The following DGKG variants were observed in gnomAD, a reference collection of about 807,000 sequenced individuals.
The protein encoded by DGKG is DAG kinase gamma.
Under a neutral mutation model 105.3 loss-of-function variants are expected in DGKG, and 78 were observed. The ratio of observed to expected loss-of-function variants is 0.74; its 90% confidence interval spans 0.62 to 0.89. The LOEUF (loss-of-function observed/expected upper bound fraction) is 0.89, where lower values mean the gene tolerates loss of function less well. DGKG is among the 40% of genes least tolerant of loss of function. The pLI is 0.00. For synonymous variants in DGKG, 346 were observed against 367.1 expected, an observed-to-expected ratio of 0.94 and a Z score of 0.66; for missense variants, 958 against 1,020.1, an observed-to-expected ratio of 0.94 and a Z score of 0.83.
At chr3:186,156,824 G>T (rs1035741634) in intron 24 of DGKG, among the ~76,000 whole-genome samples, 1 of 151,564 alleles carries the variant, frequency 6.6e-6, no homozygotes. Context: ...TATTAATGCC[G>T]GAAAACTTAA....
intron 9 of DGKG, among the ~76,000 whole-genome samples, chr3:186,277,958 A>G (rs767129992): frequency 3.0e-4 from 45 of 152,324 alleles, no homozygotes; most frequent in Admixed American, 2.2e-3. Flanking sequence ...TAAGTGTTAA[A>G]AACTTTTAAA....
At chr3:186,168,610 G>C (rs1716668666) in intron 22 of DGKG, among the ~76,000 whole-genome samples, 1 of 152,224 alleles carries the variant, frequency 6.6e-6, no homozygotes, top group Non-Finnish European at 1.5e-5. Flanking sequence ...ACTTTGGGAG[G>C]CTGAGGCAGG....
At position 186,231,735 on chromosome 3, in the gene DGKG, A is replaced by G. The variant is rs948084075; in HGVS notation, c.1826+10769T>C. On this transcript the variant is annotated intron_variant, in intron 20 of 24. Coordinates refer to ENST00000265022, the MANE Select transcript of DGKG (RefSeq NM_001346.3). The surrounding 1 kb of genome is among the most constrained non-coding windows in gnomAD (Gnocchi z 4.5). ...GGAGTTTGAGACCAGCCTGGCCAAC[A>G]TGGTGAAACCCGCTCTCTACTAAAA... 6.6e-6 allele frequency among the ~76,000 whole-genome samples: 1 copy of G among 152,158 alleles called. No homozygotes were observed. Among genetic ancestry groups the G allele is most frequent in the African/African-American group, 2.4e-5 (1 of 41,420 alleles).
intron 1 of DGKG, among the ~76,000 whole-genome samples, chr3:186,358,506 T>TTGTGTGTGTGTGTGTGTGTG (rs142522791): frequency 0.25 from 37,203 of 149,618 alleles, 4,944 homozygotes; most frequent in East Asian, 0.42. Context: ...TTCTAACCCT[T>TTGTGTGTGTGTGTGTGTGTG]TGTGTGTGTG....
At chr3:186,262,223 C>T (rs1721812196) in intron 14 of DGKG, among the ~76,000 whole-genome samples, 1 of 152,152 alleles carries the variant, frequency 6.6e-6, no homozygotes, top group South Asian at 2.1e-4. Flanking sequence ...CAGTTTCCTC[C>T]TGAACCCTGG....
intron 20 of DGKG, among the ~76,000 whole-genome samples, chr3:186,214,761 T>G (rs1719196530): frequency 6.6e-6 from 1 of 152,218 alleles, no homozygotes. Context: ...AGACATTCAT[T>G]GTGCCAGGGA....
intron 23 of DGKG, among the ~76,000 whole-genome samples, chr3:186,163,213 C>T (rs1337720621): frequency 1.3e-5 from 2 of 151,932 alleles, no homozygotes; most frequent in African/African-American, 2.4e-5. Flanking sequence ...CTATGTTGCC[C>T]CTACTGGTCT....
intron 2 of DGKG, among the ~76,000 whole-genome samples, chr3:186,312,671 G>A (rs2108632317): frequency 6.6e-6 from 1 of 152,366 alleles, no homozygotes; most frequent in Non-Finnish European, 1.5e-5. Flanking sequence ...TTCTTCCAGT[G>A]AAGGCTGGGA....
intron 1 of DGKG, among the ~76,000 whole-genome samples, chr3:186,321,162 T>C (rs1725058002): frequency 6.6e-6 from 1 of 152,214 alleles, no homozygotes; most frequent in South Asian, 2.1e-4. Context: ...GAAGCAGTTC[T>C]CTGTCCTCTT....
At chr3:186,187,214 T>C (rs12492112) in intron 22 of DGKG, among the ~76,000 whole-genome samples, 61,687 of 152,106 alleles carry the variant, frequency 0.41, 15,429 homozygotes, top group East Asian at 0.71. Context: ...GGCAGTGAGA[T>C]AGAAGCAAGG....
chr3:186,183,474 T>C (rs1717456285), intron 22 of DGKG, among the ~76,000 whole-genome samples: 1 of 147,102 alleles, frequency 6.8e-6, no homozygotes, highest in African/African-American at 2.5e-5. Flanking sequence ...GCAAATTCCA[T>C]ATGCTTCTCA....
At chr3:186,274,063 T>C (rs1722460854) in intron 10 of DGKG, among the ~76,000 whole-genome samples, 1 of 152,250 alleles carries the variant, frequency 6.6e-6, no homozygotes, top group Admixed American at 6.5e-5. Flanking sequence ...TCTCTGCTTT[T>C]TCCTCTACCA....
chr3:186,339,605 A>G (rs762369900), intron 1 of DGKG, among the ~76,000 whole-genome samples: 2 of 152,166 alleles, frequency 1.3e-5, no homozygotes, highest in Admixed American at 1.3e-4. Flanking sequence ...GTGCTATTTC[A>G]TTTCCCCCAA....
At chr3:186,244,401 A>G (rs1720837213) in intron 19 of DGKG, among the ~76,000 whole-genome samples, 2 of 144,522 alleles carry the variant, frequency 1.4e-5, no homozygotes, top group South Asian at 2.2e-4. Flanking sequence ...AACTTTAGCT[A>G]TTGATGTTTT....
At chr3:186,225,627 T>C (rs989728985) in intron 20 of DGKG, among the ~76,000 whole-genome samples, 19 of 152,278 alleles carry the variant, frequency 1.2e-4, no homozygotes, top group African/African-American at 4.6e-4. Context: ...CTGGCAATGA[T>C]CGACGGCCAC....
At chr3:186,356,727 G>A (rs1035331983) in intron 1 of DGKG, among the ~76,000 whole-genome samples, 3 of 152,216 alleles carry the variant, frequency 2.0e-5, no homozygotes, top group African/African-American at 7.2e-5. Context: ...AATGGCCCAT[G>A]AGGTAGGGTG....
At chr3:186,336,551 A>G (rs1205457748) in intron 1 of DGKG, among the ~76,000 whole-genome samples, 1 of 152,228 alleles carries the variant, frequency 6.6e-6, no homozygotes, top group Non-Finnish European at 1.5e-5. Context: ...TAAAAAAGGG[A>G]CACAAACGAA....
intron 21 of DGKG, among the ~76,000 whole-genome samples, chr3:186,194,802 T>TAAAAAAAAA (rs1560089428): frequency 3.8e-4 from 10 of 26,646 alleles, no homozygotes; most frequent in African/African-American, 1.4e-3. Context: ...TGGTCTTTCT[T>TAAAAAAAAA]TAAAAAAAAA....
In DGKG at chr3:186,353,650, GTCTATGTCTATATCTATA is replaced by G. The variant is rs1260217111; in HGVS notation, c.-249+8278_-249+8295del. 4.1e-4 allele frequency among the ~76,000 whole-genome samples: 25 copies of G among 60,846 alleles called. 1 individual carries two copies. The highest frequency in any genetic ancestry group is 1.1e-3 in the African/African-American group (24 of 21,800). The allele number at this position is 60,846 out of a possible 152,430, so 39.9% of individuals were successfully genotyped here. The stretch of plus-strand genomic sequence containing the variant: ...TATCTATATCTATATCTATATCTAT[GTCTATGTCTATATCTATA>G]TCTATATCTATATCTATATCTATAT... On this transcript the variant is annotated intron_variant, in intron 1 of 24. Transcript: ENST00000265022.
Sources: allele counts gnomAD v4.1 joint callset (sites outside exome capture counted in the v4.1 genomes callset), GRCh38; gene constraint gnomAD v4.1.1; non-coding constraint Gnocchi (gnomAD v3.1); transcripts MANE v1.5; gene names NCBI Gene and HGNC (gene_info 2026-07-23, HGNC 2026-07-21).